CPS1: variants seen among roughly 807,000 people sequenced by gnomAD.
The protein encoded by CPS1 is carbamoyl-phosphate synthase [ammonia], mitochondrial.
CPS1 carries 109 observed loss-of-function variants against 174.6 expected under a neutral mutation model. The ratio of observed to expected loss-of-function variants is 0.62; its 90% CI spans 0.53 to 0.73. CPS1 has a LOEUF of 0.73. Ranked by LOEUF, CPS1 falls within the 30% of genes least tolerant of loss-of-function variation. The pLI, the probability that CPS1 is intolerant of heterozygous loss-of-function variation, is 0.00. For synonymous variants in CPS1, 637 were observed against 632.0 expected, an observed-to-expected ratio of 1.01 and a Z score of -0.12; for missense variants, 1,689 against 1,821.9, an observed-to-expected ratio of 0.93 and a Z score of 1.33.
At chr2:210,610,953 A>G (rs933455201) in intron 19 of CPS1, among the ~76,000 whole-genome samples, 1 of 151,902 alleles carries the variant, frequency 6.6e-6, no homozygotes, top group Non-Finnish European at 1.5e-5. Flanking sequence ...TTAAATATGT[A>G]ATACTTCAAA....
intron 1 of CPS1, 103 bp from the exon 2 acceptor site, chr2:210,573,195 A>G: frequency 9.9e-7 from 1 of 1,009,840 alleles, no homozygotes; most frequent in Non-Finnish European, 1.6e-6. Flanking sequence ...TTCATTAAAT[A>G]TACTGTGCCT....
At position 210,608,505 on chromosome 2, in the gene CPS1, C is replaced by A. The variant is rs778869604; in HGVS notation, c.2337C>A (p.Asp779Glu). 5 of 1,612,210 alleles carry A rather than the reference C, an allele frequency of 3.1e-6. No homozygotes were observed. The South Asian group carries it at 5.5e-5, about 18-fold the overall frequency. The change falls in exon 19 of 38, where the codon GAC becomes GAA. Residue 779 changes from aspartate to glutamate, a missense_variant. Asp to Glu is a conservative substitution (Grantham distance 45, BLOSUM62 2). Coordinates refer to ENST00000233072, the MANE Select transcript of CPS1 (RefSeq NM_001875.5). ...CCAAGATTCCCCGCTGGGATCTTGA[C>A]CGTTTTCATGGAACATCTAGCCGAA... is the stretch of plus-strand genomic sequence containing the variant. ...MVTKIPRWDLDRFHGTSSRIG... is the reference protein window; with the variant it reads ...MVTKIPRWDLERFHGTSSRIG...
intron 29 of CPS1, among the ~76,000 whole-genome samples, chr2:210,655,649 C>G (rs932925752): frequency 6.6e-6 from 1 of 152,184 alleles, no homozygotes; most frequent in African/African-American, 2.4e-5. Context: ...TACAAACATT[C>G]TATGAGCAGG....
chr2:210,516,327 CTCTT>C (rs1201922706), intron 1 of CPS1, among the ~76,000 whole-genome samples: 1 of 151,828 alleles, frequency 6.6e-6, no homozygotes, highest in Non-Finnish European at 1.5e-5. Context: ...TTATACTTCT[CTCTT>C]TCTTATTCTT....
chr2:210,644,711 T>G (rs1186637954), intron 25 of CPS1, among the ~76,000 whole-genome samples: 1 of 152,176 alleles, frequency 6.6e-6, no homozygotes, highest in Non-Finnish European at 1.5e-5. Flanking sequence ...CCAAAGTGAT[T>G]AGTGGCCAGG....
chr2:210,658,677 A>G lies in CPS1; in HGVS notation c.3745A>G (p.Asn1249Asp). The G allele has an allele frequency of 6.2e-7, 1 of 1,613,572 alleles. No homozygotes were observed. The highest frequency in any genetic ancestry group is 1.1e-5 in the South Asian group (1 of 91,078). The change falls in exon 31 of 38, where the codon AAT becomes GAT. Residue 1249 changes from asparagine to aspartate, a missense_variant. Asn to Asp is a conservative substitution (Grantham distance 23). Transcript: ENST00000233072. ...CAACGTCCAATTTCTTGTCAAAGGA[A>G]ATGATGTCTTGGTAAGAAATGCCAA... is the stretch of plus-strand genomic sequence containing the variant. ...PFNVQFLVKG[N>D]DVLVIECNLR...
At chr2:210,504,188 G>A (rs1027883755) in intron 1 of CPS1, among the ~76,000 whole-genome samples, 2 of 152,042 alleles carry the variant, frequency 1.3e-5, no homozygotes, top group African/African-American at 4.8e-5. Context: ...GTGGAACAAG[G>A]CATGGTGTGT....
At chr2:210,515,418 T>C (rs1223827496) in intron 1 of CPS1, among the ~76,000 whole-genome samples, 29 of 151,808 alleles carry the variant, frequency 1.9e-4, no homozygotes, top group Non-Finnish European at 4.4e-5. Context: ...TATTTCTTTC[T>C]GATTAAATGT....
intron 1 of CPS1, among the ~76,000 whole-genome samples, chr2:210,505,455 G>C (rs866435553): frequency 6.6e-6 from 1 of 152,066 alleles, no homozygotes; most frequent in Non-Finnish European, 1.5e-5. Context: ...TACTGCTCCC[G>C]GCGTGAGCGA....
chr2:210,512,366 C>T (rs879452279), intron 1 of CPS1, among the ~76,000 whole-genome samples: 2 of 151,900 alleles, frequency 1.3e-5, no homozygotes, highest in Admixed American at 6.6e-5. Context: ...TCCTTCCCCA[C>T]TCCAGTATTC....
intron 1 of CPS1, among the ~76,000 whole-genome samples, chr2:210,514,748 C>G (rs185991870): frequency 6.8e-6 from 1 of 148,094 alleles, no homozygotes; most frequent in Admixed American, 6.8e-5. Flanking sequence ...TAAGAATAGG[C>G]ATCCTTGTCT....
chr2:210,570,565 T>C (rs2106067186), intron 1 of CPS1, among the ~76,000 whole-genome samples: 1 of 152,096 alleles, frequency 6.6e-6, no homozygotes, highest in East Asian at 1.9e-4. Flanking sequence ...AGCAAGCATG[T>C]CTCAGAGTAG....
chr2:210,526,790 C>T (rs994560667), intron 1 of CPS1, among the ~76,000 whole-genome samples: 1 of 151,868 alleles, frequency 6.6e-6, no homozygotes, highest in Non-Finnish European at 1.5e-5. Flanking sequence ...ACAGATTGTA[C>T]TTAAAAATCA....
intron 1 of CPS1, among the ~76,000 whole-genome samples, chr2:210,560,857 C>T (rs930346442): frequency 1.3e-5 from 2 of 152,124 alleles, no homozygotes; most frequent in Non-Finnish European, 2.9e-5. Context: ...TTATCACACA[C>T]TTTTAAGAAT....
intron 1 of CPS1, among the ~76,000 whole-genome samples, chr2:210,572,389 G>C (rs996793807): frequency 8.6e-5 from 13 of 151,848 alleles, no homozygotes; most frequent in African/African-American, 3.1e-4. Flanking sequence ...GAGTTTCTTA[G>C]AGAATCTGTA....
chr2:210,674,484 CAAAAA>C (rs771522432), intron 34 of CPS1: 11 of 75,024 alleles, frequency 1.5e-4, no homozygotes, highest in Admixed American at 3.7e-4. Context: ...AAAAAAAAAC[CAAAAA>C]AAAAAAAAAG....
chr2:210,527,175 T>C (rs1695997238), intron 1 of CPS1, among the ~76,000 whole-genome samples: 1 of 151,942 alleles, frequency 6.6e-6, no homozygotes, highest in Non-Finnish European at 1.5e-5. Context: ...TTTCTCTATG[T>C]TCATAAGATA....
intron 19 of CPS1, among the ~76,000 whole-genome samples, chr2:210,610,774 G>C (rs977328492): frequency 2.0e-5 from 3 of 151,592 alleles, no homozygotes; most frequent in Non-Finnish European, 4.4e-5. Context: ...AATATATAGA[G>C]AGAGTATTGA....
chr2:210,586,598 G>A (rs1315956220), intron 6 of CPS1, among the ~76,000 whole-genome samples: 2 of 152,012 alleles, frequency 1.3e-5, no homozygotes, highest in Non-Finnish European at 1.5e-5. Context: ...TTAAGTCCAA[G>A]CACAAATCCA....
Sources: gnomAD v4.1 joint callset for allele counts (sites outside exome capture counted in the v4.1 genomes callset) on GRCh38, gnomAD v4.1.1 for gene constraint, MANE v1.5 for transcripts, NCBI Gene and HGNC (gene_info 2026-07-23, HGNC 2026-07-21) for gene names.